Variants in CYB5R4 observed in about 807,000 individuals in gnomAD.
The protein encoded by CYB5R4 is N-terminal cytochrome b5 and cytochrome b5 oxidoreductase domain-containing protein.
CYB5R4 carries 55 observed loss-of-function variants against 70.2 expected under a neutral mutation model. The ratio of observed to expected loss-of-function variants is 0.78; its 90% confidence interval spans 0.63 to 0.98. The LOEUF (loss-of-function observed/expected upper bound fraction) is 0.98. CYB5R4 is among the 50% of genes least tolerant of loss of function. The pLI is 0.00. For synonymous variants in CYB5R4, 197 were observed against 199.5 expected (o/e 0.99, Z 0.11); for missense variants, 562 against 612.6 (o/e 0.92, Z 0.87).
chr6:83,869,462 A>C (rs1195425572), intron 2 of CYB5R4, among the ~76,000 whole-genome samples: 1 of 152,208 alleles, frequency 6.6e-6, no homozygotes, highest in Non-Finnish European at 1.5e-5. Flanking sequence ...TTTGTTGCCC[A>C]GCGTGCACAT....
intron 2 of CYB5R4, among the ~76,000 whole-genome samples, chr6:83,872,795 T>C (rs960639965): frequency 6.6e-6 from 1 of 152,206 alleles, no homozygotes; most frequent in Non-Finnish European, 1.5e-5. Flanking sequence ...GGGAAAACGG[T>C]ATACTTACTC....
At chr6:83,955,258 A>T (rs2099472157) in intron 14 of CYB5R4, 40 bp from the exon 15 acceptor site, 1 of 1,508,616 alleles carries the variant, frequency 6.6e-7, no homozygotes, top group African/African-American at 1.4e-5. Context: ...TAATATGTTT[A>T]AAATAATAAA....
At chr6:83,919,612 A>G (rs1195860279) in intron 7 of CYB5R4, among the ~76,000 whole-genome samples, 158 bp downstream of exon 7, 1 of 152,190 alleles carries the variant, frequency 6.6e-6, no homozygotes, top group Non-Finnish European at 1.5e-5. Flanking sequence ...GGAAACAAAG[A>G]AAAGATTAAG....
intron 14 of CYB5R4, among the ~76,000 whole-genome samples, chr6:83,948,452 A>C (rs995972902): frequency 2.0e-5 from 3 of 152,006 alleles, no homozygotes; most frequent in African/African-American, 7.3e-5. Context: ...ACCACCATGC[A>C]CATGTATACC....
chr6:83,934,371 T>A (rs2129142173), intron 10 of CYB5R4, among the ~76,000 whole-genome samples: 1 of 152,326 alleles, frequency 6.6e-6, no homozygotes, highest in African/African-American at 2.4e-5. Context: ...TAAGTTCATT[T>A]TTCAAGTTAT....
intron 3 of CYB5R4, among the ~76,000 whole-genome samples, chr6:83,900,580 C>T (rs529957924): frequency 1.3e-5 from 2 of 151,762 alleles, no homozygotes; most frequent in Admixed American, 6.5e-5. Context: ...TAAAGTCTCC[C>T]GTTATTACTG....
At chr6:83,865,730 A>T (rs1294427147) in intron 2 of CYB5R4, among the ~76,000 whole-genome samples, 1 of 152,142 alleles carries the variant, frequency 6.6e-6, no homozygotes, top group Non-Finnish European at 1.5e-5. Context: ...TCAACCTATG[A>T]ATTTGGAGGG....
rs1026215026 is a variant in CYB5R4 at position 83,962,317 on chromosome 6, C to T, written c.*2439C>T. 4 of 152,066 alleles carry T rather than the reference C, an allele frequency of 2.6e-5. No individual in the cohort carries two copies. Among genetic ancestry groups the T allele is most frequent in the Admixed American group, 6.6e-5 (1 of 15,266 alleles). 9.4% of individuals were successfully genotyped at this position (152,066 alleles called of 1,614,324 possible). A position where few individuals can be genotyped will look rare whatever the true frequency, so the allele number is the denominator to read the frequency against. On this transcript the variant is annotated 3_prime_UTR_variant, in exon 16 of 16. Coordinates refer to ENST00000369681, the MANE Select transcript of CYB5R4 (RefSeq NM_016230.4). ...TCTAGAAGGACTTGGAGGAAAAAAT[C>T]CCCTAAGTAGAGCCTCAGTCTTCCA...
intron 10 of CYB5R4, among the ~76,000 whole-genome samples, chr6:83,927,956 C>A (rs1332583482): frequency 1.3e-5 from 2 of 152,080 alleles, no homozygotes; most frequent in African/African-American, 4.8e-5. Context: ...GCTCCTATCA[C>A]CCAGGAAATT....
chr6:83,886,644 T>C (rs1412758247), intron 2 of CYB5R4, among the ~76,000 whole-genome samples: 1 of 152,184 alleles, frequency 6.6e-6, no homozygotes, highest in East Asian at 1.9e-4. Context: ...AGTAATGCCA[T>C]GTAAGGATGT....
At chr6:83,900,146 C>T (rs1356754028) in intron 3 of CYB5R4, among the ~76,000 whole-genome samples, 3 of 152,140 alleles carry the variant, frequency 2.0e-5, no homozygotes, top group Admixed American at 6.5e-5. Flanking sequence ...GAATGTGTCC[C>T]AGAAATTCTG....
intron 14 of CYB5R4, among the ~76,000 whole-genome samples, chr6:83,945,212 C>G (rs1588585086): frequency 6.6e-6 from 1 of 151,384 alleles, no homozygotes; most frequent in African/African-American, 2.4e-5. Context: ...GAACAGAAAT[C>G]ATAACGGTCT....
At chr6:83,922,550 A>G in intron 9 of CYB5R4, 80 bp downstream of exon 9, 1 of 940,132 alleles carries the variant, frequency 1.1e-6, no homozygotes, top group Non-Finnish European at 1.7e-6. Context: ...AAAAAATTGA[A>G]AAATTAGCAT....
intron 3 of CYB5R4, among the ~76,000 whole-genome samples, chr6:83,907,881 A>G (rs1328015471): frequency 6.6e-6 from 1 of 152,124 alleles, no homozygotes; most frequent in Non-Finnish European, 1.5e-5. Context: ...TCTGTCATTT[A>G]TGGGCATTTA....
chr6:83,921,657 T>A (rs536859771), intron 8 of CYB5R4, among the ~76,000 whole-genome samples: 1 of 152,334 alleles, frequency 6.6e-6, no homozygotes, highest in African/African-American at 2.4e-5. Flanking sequence ...TGTATTTTTT[T>A]ATCAGGACAG....
At chr6:83,868,442 T>G (rs940751368) in intron 2 of CYB5R4, among the ~76,000 whole-genome samples, 1 of 152,206 alleles carries the variant, frequency 6.6e-6, no homozygotes, top group Non-Finnish European at 1.5e-5. Context: ...AAAACAGCAC[T>G]TGGCTGACAG....
At chr6:83,922,014 G>A (rs1221347248) in intron 8 of CYB5R4, among the ~76,000 whole-genome samples, 1 of 152,058 alleles carries the variant, frequency 6.6e-6, no homozygotes, top group East Asian at 1.9e-4. Context: ...GTCAACTTTG[G>A]AGAACAATAA....
chr6:83,926,292 C>T (rs1331775787), intron 10 of CYB5R4: 1 of 152,026 alleles, frequency 6.6e-6, no homozygotes. Context: ...TTTCAGAAGC[C>T]ATGTGGGGAA....
chr6:83,893,001 A>G (rs1032446925), intron 2 of CYB5R4, among the ~76,000 whole-genome samples: 2 of 152,168 alleles, frequency 1.3e-5, no homozygotes, highest in Non-Finnish European at 1.5e-5. Context: ...GGATATTTGC[A>G]TTGTGAACAA....
Sources: gnomAD v4.1 joint callset for allele counts (sites outside exome capture counted in the v4.1 genomes callset) on GRCh38, gnomAD v4.1.1 for gene constraint, MANE v1.5 for transcripts, NCBI Gene and HGNC (gene_info 2026-07-23, HGNC 2026-07-21) for gene names.